The following PPP1R12B variants were observed in gnomAD, a reference collection of about 807,000 sequenced individuals.
The protein encoded by PPP1R12B is myosin phosphatase target subunit 2.
PPP1R12B carries 76 observed loss-of-function variants against 126.1 expected under a neutral mutation model. The observed-to-expected ratio is 0.60, with a 90% CI of 0.50 to 0.73. The LOEUF is 0.73. Among genes scored for constraint, PPP1R12B ranks in the 30% least tolerant of loss-of-function variants. The pLI, the probability that PPP1R12B is intolerant of heterozygous loss-of-function variation, is 0.00. For synonymous variants in PPP1R12B, 356 were observed against 434.7 expected, an observed-to-expected ratio of 0.82 and a Z score of 2.25; for missense variants, 1,052 against 1,205.1, an observed-to-expected ratio of 0.87 and a Z score of 1.88.
intron 1 of PPP1R12B, among the ~76,000 whole-genome samples, chr1:202,354,498 A>G (rs1470223101): frequency 6.6e-6 from 1 of 152,094 alleles, no homozygotes; most frequent in Non-Finnish European, 1.5e-5. Context: ...GAGTCCAGGA[A>G]CTGGAGTTGC....
intron 19 of PPP1R12B, among the ~76,000 whole-genome samples, chr1:202,560,289 T>G (rs2149006543): frequency 6.6e-6 from 1 of 152,252 alleles, no homozygotes; most frequent in Admixed American, 6.5e-5. Context: ...CAAGAGAGGG[T>G]TCTTGGATCT....
At chr1:202,349,297 C>T (rs993306216) in intron 1 of PPP1R12B, among the ~76,000 whole-genome samples, 155 bp downstream of exon 1, 1 of 152,200 alleles carries the variant, frequency 6.6e-6, no homozygotes, top group African/African-American at 2.4e-5. Context: ...GGCCAGCTTC[C>T]TCCACTAATC....
At chr1:202,359,488 TA>T (rs373442672) in intron 1 of PPP1R12B, among the ~76,000 whole-genome samples, 3 of 150,944 alleles carry the variant, frequency 2.0e-5, no homozygotes, top group Non-Finnish European at 4.4e-5. Flanking sequence ...AAATTTAAAT[TA>T]AAAAAAAATC....
At chr1:202,511,787 T>G (rs1359343766) in intron 18 of PPP1R12B, among the ~76,000 whole-genome samples, 1 of 149,740 alleles carries the variant, frequency 6.7e-6, no homozygotes, top group Non-Finnish European at 1.5e-5. Context: ...TTTTTTTTTT[T>G]TTTTTTGAGA....
chr1:202,415,578 CT>C (rs1256486202), intron 1 of PPP1R12B, among the ~76,000 whole-genome samples: 1 of 152,080 alleles, frequency 6.6e-6, no homozygotes, highest in East Asian at 1.9e-4. Flanking sequence ...ACATGTGGGC[CT>C]TCTACCACAT....
At chr1:202,416,990 A>C in intron 2 of PPP1R12B, 73 bp downstream of exon 2, 2 of 1,452,262 alleles carry the variant, frequency 1.4e-6, no homozygotes, top group South Asian at 1.5e-5. Flanking sequence ...TATTCTTAGG[A>C]ATTTGAATTT....
At chr1:202,450,156 T>A (rs1467644007) in intron 13 of PPP1R12B, among the ~76,000 whole-genome samples, 1 of 152,212 alleles carries the variant, frequency 6.6e-6, no homozygotes, top group Non-Finnish European at 1.5e-5. Context: ...AAGGAAACAG[T>A]ATGACACAAG....
At chr1:202,350,307 T>A (rs563878794) in intron 1 of PPP1R12B, among the ~76,000 whole-genome samples, 83 of 152,334 alleles carry the variant, frequency 5.4e-4, no homozygotes, top group African/African-American at 1.9e-3. Context: ...TAGAGTGCTT[T>A]GCTGTTTGAT....
chr1:202,422,717 C>T lies in PPP1R12B; in HGVS notation c.520C>T (p.Leu174=), dbSNP rs1307873570. 1 of 1,613,626 alleles carries T rather than the reference C, an allele frequency of 6.2e-7. No individual in the cohort carries two copies. The highest frequency in any genetic ancestry group is 1.1e-5 in the South Asian group (1 of 91,066). ...AEEPAMKDLL[L]EQVKKQGVDL... is the part of the protein sequence containing the mutation. The stretch of plus-strand genomic sequence containing the variant: ...AGAGCCAGCCATGAAGGATCTTCTT[C>T]TGGAGCAAGTAAAGAAGCAAGGTAA... Residue 174 remains leucine (L), a synonymous_variant, in exon 3 of 24, where the codon CTG becomes TTG. Coordinates refer to ENST00000608999, the MANE Select transcript of PPP1R12B (RefSeq NM_002481.4).
At chr1:202,470,102 G>C (rs1331417837) in intron 13 of PPP1R12B, among the ~76,000 whole-genome samples, 1 of 152,204 alleles carries the variant, frequency 6.6e-6, no homozygotes, top group Non-Finnish European at 1.5e-5. Context: ...GTTGGTGAGA[G>C]TAGACGAGTC....
intron 1 of PPP1R12B, among the ~76,000 whole-genome samples, chr1:202,353,586 TTG>T (rs58683662): frequency 0.089 from 10,734 of 120,664 alleles, 483 homozygotes; most frequent in Middle Eastern, 0.17. Flanking sequence ...TTCTTCTTCT[TTG>T]TGTGTGTGTG....
intron 14 of PPP1R12B, among the ~76,000 whole-genome samples, chr1:202,489,046 C>T (rs193147649): frequency 4.6e-5 from 7 of 151,364 alleles, no homozygotes; most frequent in African/African-American, 1.4e-4. Context: ...CTCAAAAAAA[C>T]AAGACAAAGC....
chr1:202,472,758 G>T (rs997181473), intron 13 of PPP1R12B, among the ~76,000 whole-genome samples: 2 of 152,344 alleles, frequency 1.3e-5, no homozygotes. Context: ...AGTGTCTAGA[G>T]CAGGGATCAG....
chr1:202,420,439 C>T (rs868006840), intron 2 of PPP1R12B, among the ~76,000 whole-genome samples: 1 of 152,116 alleles, frequency 6.6e-6, no homozygotes, highest in Non-Finnish European at 1.5e-5. Context: ...GAGAGTGTTC[C>T]ACCTAGTTGG....
At chr1:202,458,741 T>C (rs1330978688) in intron 13 of PPP1R12B, among the ~76,000 whole-genome samples, 1 of 152,252 alleles carries the variant, frequency 6.6e-6, no homozygotes, top group Admixed American at 6.5e-5. Flanking sequence ...ATGCTAATTC[T>C]ACTCTTGAAG....
chr1:202,580,687 C>G lies in PPP1R12B; in HGVS notation c.*127C>G. On this transcript the variant is annotated 3_prime_UTR_variant, in exon 24 of 24. Transcript: ENST00000608999. ...TGGAAGGACACTTCTTTCTATCACC[C>G]TCTTCAGTCACCTCTATACACTCTA... The G allele has an allele frequency of 1.3e-6, 1 of 754,922 alleles. No homozygotes were observed. Among genetic ancestry groups the G allele is most frequent in the East Asian group, 2.7e-5 (1 of 37,088 alleles). The allele number at this position is 754,922 out of a possible 1,614,324, so 46.8% of individuals were successfully genotyped here.
chr1:202,519,150 G>A (rs1390296906), intron 18 of PPP1R12B, among the ~76,000 whole-genome samples: 1 of 152,016 alleles, frequency 6.6e-6, no homozygotes, highest in Admixed American at 6.6e-5. Flanking sequence ...ACTGCATTGT[G>A]GTGAAATTAA....
At chr1:202,359,536 C>T (rs1250952312) in intron 1 of PPP1R12B, among the ~76,000 whole-genome samples, 1 of 151,704 alleles carries the variant, frequency 6.6e-6, no homozygotes, top group Admixed American at 6.6e-5. Context: ...AATCCTAGCA[C>T]TGGGAGGCCA....
chr1:202,361,118 C>A (rs1253027193), intron 1 of PPP1R12B, among the ~76,000 whole-genome samples: 1 of 152,124 alleles, frequency 6.6e-6, no homozygotes, highest in African/African-American at 2.4e-5. Flanking sequence ...TGGTCTCGAT[C>A]TCCTGACCTT....
Sources: gnomAD v4.1 joint callset for allele counts (sites outside exome capture counted in the v4.1 genomes callset) on GRCh38, gnomAD v4.1.1 for gene constraint, MANE v1.5 for transcripts, NCBI Gene and HGNC (gene_info 2026-07-23, HGNC 2026-07-21) for gene names.